The following RIMS2 variants were observed in gnomAD, a reference collection of about 807,000 sequenced individuals.
RIMS2 encodes regulating synaptic membrane exocytosis protein 2.
RIMS2 carries 59 observed loss-of-function variants against 174.4 expected under a neutral mutation model. The ratio of observed to expected loss-of-function variants is 0.34; its 90% confidence interval spans 0.27 to 0.42. RIMS2 has a LOEUF of 0.42. Ranked by LOEUF, RIMS2 falls within the 10% of genes least tolerant of loss-of-function variation. The pLI is 1.00. For missense variants in RIMS2, 1,620 were observed against 1,666.3 expected, an observed-to-expected ratio of 0.97 and a Z score of 0.48; for synonymous variants, 606 against 572.5, an observed-to-expected ratio of 1.06 and a Z score of -0.84.
chr8:104,170,604 A>C (rs921566103), intron 19 of RIMS2, among the ~76,000 whole-genome samples: 1 of 152,006 alleles, frequency 6.6e-6, no homozygotes, highest in African/African-American at 2.4e-5. Flanking sequence ...GTGGTTTTTT[A>C]TCCATTCTAC....
intron 19 of RIMS2, among the ~76,000 whole-genome samples, chr8:104,078,114 G>T (rs2097334744): frequency 6.6e-6 from 1 of 151,038 alleles, no homozygotes; most frequent in Non-Finnish European, 1.5e-5. Context: ...ACTCCAACCT[G>T]GGCAACAAGA....
In RIMS2 at chr8:104,025,569, ATGTT is replaced by A. The variant is rs1369870060; in HGVS notation, c.3334+10955_3334+10958del. Among the ~76,000 whole-genome samples, 4 of 152,284 alleles carry A rather than the reference ATGTT, an allele frequency of 2.6e-5. No individual in the cohort carries two copies. In the South Asian group the frequency reaches 6.2e-4, roughly 24 times the overall value. On this transcript the variant is annotated intron_variant, in intron 19 of 23. Transcript: ENST00000504942. ...TTGTTGCATAATAATTACTATATAA[ATGTT>A]AGTTATTACTGTAATTTCTTAGTAA...
At chr8:103,558,628 A>G (rs1412090816) in intron 1 of RIMS2, among the ~76,000 whole-genome samples, 4 of 151,766 alleles carry the variant, frequency 2.6e-5, no homozygotes, top group African/African-American at 4.9e-5. Flanking sequence ...TTGGGATAAG[A>G]TAGTTTTTTT....
At chr8:104,034,287 A>G (rs577541697) in intron 19 of RIMS2, among the ~76,000 whole-genome samples, 7 of 152,166 alleles carry the variant, frequency 4.6e-5, no homozygotes, top group Middle Eastern at 3.2e-3. Context: ...ATGTGAGACT[A>G]TAGAACCAAG....
rs1461638486 is a variant in RIMS2, at chr8:103,685,338, A to C, written c.177-11748A>C. 2.6e-5 allele frequency among the ~76,000 whole-genome samples: 4 copies of C among 152,106 alleles called. No homozygotes were observed. In the South Asian group the frequency reaches 8.3e-4, roughly 32 times the overall value. ...ACATGGCAAGAGAGGGAGCAAGGGC[A>C]GGGAGTAGTCCCAAACTTTTTAAAA... is the stretch of plus-strand genomic sequence containing the variant. On this transcript the variant is annotated intron_variant, in intron 1 of 23. Transcript: ENST00000504942.
chr8:103,814,280 G>C (rs372978765), intron 3 of RIMS2, among the ~76,000 whole-genome samples: 121 of 152,056 alleles, frequency 8.0e-4, no homozygotes, highest in African/African-American at 2.7e-3. Context: ...AGAGGTACAG[G>C]AGTAATAACT....
chr8:104,011,685 A>G (rs2095766629), intron 17 of RIMS2, among the ~76,000 whole-genome samples: 1 of 152,104 alleles, frequency 6.6e-6, no homozygotes, highest in African/African-American at 2.4e-5. Context: ...ATGAAATTGT[A>G]TATAAATACA....
At chr8:104,134,129 A>G (rs1047131897) in intron 19 of RIMS2, among the ~76,000 whole-genome samples, 2 of 152,214 alleles carry the variant, frequency 1.3e-5, no homozygotes, top group Admixed American at 1.3e-4. Flanking sequence ...TAAAAATTTT[A>G]AAAAGTAAAT....
At chr8:103,961,169 G>A (rs952166038) in intron 15 of RIMS2, 36 bp downstream of exon 17, 11 of 898,964 alleles carry the variant, frequency 1.2e-5, no homozygotes, top group Non-Finnish European at 1.9e-5. Context: ...GTATTAAAAA[G>A]GGAGTGCAAT....
rs980468587 is a variant in RIMS2, at chr8:103,611,376, G to GT, written c.177-85703dup. On this transcript the variant is annotated intron_variant, in intron 1 of 23. Transcript: ENST00000504942. ...AGCAGTTGCAGTGTTTTAATATTTT[G>GT]TTTTTTTCTGCATGCTTAGTGAGTT... Among the ~76,000 whole-genome samples the GT allele has an allele frequency of 3.3e-5, 5 of 151,936 alleles. 1 individual carries two copies. The South Asian group carries it at 1.0e-3, about 32-fold the overall frequency.
At chr8:103,974,051 C>T (rs1197379877) in intron 15 of RIMS2, among the ~76,000 whole-genome samples, 1 of 152,166 alleles carries the variant, frequency 6.6e-6, no homozygotes, top group Admixed American at 6.5e-5. Context: ...GTCAGACCAA[C>T]CCTGGGCAAT....
intron 19 of RIMS2, among the ~76,000 whole-genome samples, chr8:104,050,624 T>C (rs1298838572): frequency 6.6e-6 from 1 of 152,202 alleles, no homozygotes; most frequent in Admixed American, 6.5e-5. Flanking sequence ...CTATAAAGTA[T>C]TTTTGCAAGC....
chr8:103,596,120 C>A (rs1011920824), intron 1 of RIMS2, among the ~76,000 whole-genome samples: 1 of 151,928 alleles, frequency 6.6e-6, no homozygotes, highest in African/African-American at 2.4e-5. Context: ...CTTTTATGTA[C>A]TTCTTAAATA....
chr8:103,591,078 A>G (rs1241220885), intron 1 of RIMS2, among the ~76,000 whole-genome samples: 2 of 150,636 alleles, frequency 1.3e-5, no homozygotes, highest in Non-Finnish European at 3.0e-5. Context: ...GGCCCTCTCT[A>G]TGTTCACTAA....
intron 1 of RIMS2, among the ~76,000 whole-genome samples, chr8:103,503,018 C>T (rs1266473223): frequency 6.6e-6 from 1 of 151,838 alleles, no homozygotes; most frequent in Non-Finnish European, 1.5e-5. Flanking sequence ...CTATTCAATA[C>T]ATATAATATT....
At chr8:103,591,952 A>G (rs2094282795) in intron 1 of RIMS2, among the ~76,000 whole-genome samples, 1 of 151,192 alleles carries the variant, frequency 6.6e-6, no homozygotes, top group Non-Finnish European at 1.5e-5. Context: ...TAGTGAAGTT[A>G]TGATTGGGAT....
At chr8:103,625,463 A>G (rs924248175) in intron 1 of RIMS2, among the ~76,000 whole-genome samples, 2 of 152,218 alleles carry the variant, frequency 1.3e-5, no homozygotes, top group African/African-American at 4.8e-5. Context: ...ACAATAGCAT[A>G]AAATCAAGGA....
intron 2 of RIMS2, among the ~76,000 whole-genome samples, chr8:103,729,777 T>A (rs144109398): frequency 6.6e-6 from 1 of 152,336 alleles, no homozygotes; most frequent in East Asian, 1.9e-4. Flanking sequence ...AACTTTTCAG[T>A]TTCCTTCATA....
chr8:103,574,093 TA>T (rs747607319), intron 1 of RIMS2, among the ~76,000 whole-genome samples: 1 of 151,876 alleles, frequency 6.6e-6, no homozygotes, highest in Non-Finnish European at 1.5e-5. Context: ...TTTTCCTATC[TA>T]AAAGTGTTTC....
Sources: allele counts gnomAD v4.1 joint callset (sites outside exome capture counted in the v4.1 genomes callset), GRCh38; gene constraint gnomAD v4.1.1; transcripts MANE v1.5; gene names NCBI Gene and HGNC (gene_info 2026-07-23, HGNC 2026-07-21).